The following MCF2L variants were observed in gnomAD, a reference collection of about 807,000 sequenced individuals.
MCF2L encodes guanine nucleotide exchange factor DBS.
MCF2L carries 97 observed loss-of-function variants against 153.4 expected under a neutral mutation model. The observed-to-expected ratio is 0.63, with a 90% CI of 0.54 to 0.75. The LOEUF is 0.75. MCF2L is among the 30% of genes least tolerant of loss of function. The pLI, the probability that MCF2L is intolerant of heterozygous loss-of-function variation, is 0.00. For missense variants in MCF2L, 1,347 were observed against 1,495.2 expected, an observed-to-expected ratio of 0.90 and a Z score of 1.64; for synonymous variants, 659 against 632.2, an observed-to-expected ratio of 1.04 and a Z score of -0.64.
At chr13:112,954,919 G>C (rs1441215168) in intron 2 of MCF2L, among the ~76,000 whole-genome samples, 1 of 152,224 alleles carries the variant, frequency 6.6e-6, no homozygotes, top group Non-Finnish European at 1.5e-5. Context: ...ATGCTGTTTA[G>C]GGCGAGTTGG....
chr13:112,969,586 TG>T lies in MCF2L; in HGVS notation c.79+134del. 1 of 1,468,522 alleles carries T rather than the reference TG, an allele frequency of 6.8e-7. No individual in the cohort carries two copies. The highest frequency in any genetic ancestry group is 2.1e-5 in the Admixed American group (1 of 48,410). 91.0% of individuals were successfully genotyped at this position (1,468,522 alleles called of 1,614,324 possible). A position where few individuals can be genotyped will look rare whatever the true frequency, so the allele number is the denominator to read the frequency against. ...CTTTCTAGCCGTGGTAGCTGTGACA[TG>T]GGGGGCACTGGTTGGCAGCTGGTGT... On this transcript the variant is annotated intron_variant, in intron 1 of 29. Coordinates refer to ENST00000535094, the MANE Select transcript of MCF2L (RefSeq NM_001112732.3). The surrounding 1 kb of genome is among the most constrained non-coding windows in gnomAD (Gnocchi z 4.8).
In MCF2L at chr13:112,983,569, C is replaced by CCGTG; in HGVS notation, c.79+14111_79+14112insCGTG. 6.6e-6 allele frequency among the ~76,000 whole-genome samples: 1 copy of CCGTG among 152,362 alleles called. No individual in the cohort carries two copies. Among genetic ancestry groups the CCGTG allele is most frequent in the Admixed American group, 6.5e-5 (1 of 15,308 alleles). Reference sequence around the variant, plus strand: ...CCCGTGGTGCTGGGCACGGCAGAGCCGTAGGCGGAGACAGGGAGCCGGGAG... The same window carrying CCGTG: ...CCCGTGGTGCTGGGCACGGCAGAGCCCGTGGTAGGCGGAGACAGGGAGCCGGGAG... On this transcript the variant is annotated intron_variant, in intron 1 of 29. Coordinates refer to ENST00000535094, the MANE Select transcript of MCF2L (RefSeq NM_001112732.3). This position sits in a 1 kb window ranked among gnomAD's most constrained non-coding sequence, Gnocchi z 4.0.
At chr13:112,915,410 C>CAAAAAAAAAAAAAAAAAA (rs779274453) in intron 2 of MCF2L, among the ~76,000 whole-genome samples, 13 of 86,920 alleles carry the variant, frequency 1.5e-4, no homozygotes, top group African/African-American at 3.2e-4. Context: ...CTCTGTCTCA[C>CAAAAAAAAAAAAAAAAAA]AAAAAAAAAA....
At chr13:113,014,182 G>C (rs573480497) in intron 1 of MCF2L, among the ~76,000 whole-genome samples, 2 of 152,218 alleles carry the variant, frequency 1.3e-5, no homozygotes, top group South Asian at 2.1e-4. Context: ...CCTGCTGGGT[G>C]GGGGGATGGG....
intron 3 of MCF2L, chr13:113,044,067 G>C (rs2086658366): frequency 6.3e-6 from 1 of 157,778 alleles, no homozygotes; most frequent in Non-Finnish European, 1.4e-5. Flanking sequence ...AATTCTGTCT[G>C]TGGCCCCCAC....
rs374638058 is a variant in MCF2L, at chr13:113,064,937, C to G, written c.608C>G (p.Ala203Gly). 18 of 1,611,870 alleles carry G rather than the reference C, an allele frequency of 1.1e-5. No homozygotes were observed. Among genetic ancestry groups the G allele is most frequent in the Non-Finnish European group, 1.5e-5 (18 of 1,179,312 alleles). Residue 203 changes from alanine (A) to glycine (G), a missense_variant and splice_region_variant, in exon 7 of 30, where the codon GCC becomes GGC. Around this residue, in one of 3 missense-constraint regions of MCF2L, gnomAD observed 820 missense variants for 921.2 expected, o/e 0.89. Coordinates refer to ENST00000535094, the MANE Select transcript of MCF2L (RefSeq NM_001112732.3). This position sits in a 1 kb window ranked among gnomAD's most constrained non-coding sequence, Gnocchi z 6.0. ...CHSRWLCQRT[A>G]IESFALMVKQ... ...AATTGTGTTTTCTCTGTCCCCAAGG[C>G]CATCGAAAGTTTCGCCCTCATGGTG...
At chr13:112,911,540 G>A (rs2081232729) in intron 2 of MCF2L, among the ~76,000 whole-genome samples, 1 of 152,224 alleles carries the variant, frequency 6.6e-6, no homozygotes, top group Non-Finnish European at 1.5e-5. Context: ...ATGCTCCTCT[G>A]AAACCCTCCC....
chr13:112,944,511 C>G (rs1341344082), intron 2 of MCF2L, among the ~76,000 whole-genome samples: 1 of 151,754 alleles, frequency 6.6e-6, no homozygotes, highest in African/African-American at 2.4e-5. Context: ...CTATGCACCA[C>G]CAGTGCTAAG....
At chr13:113,073,029 C>CT (rs56397038) in intron 9 of MCF2L, among the ~76,000 whole-genome samples, 195 of 137,852 alleles carry the variant, frequency 1.4e-3, no homozygotes, top group African/African-American at 2.7e-3. Flanking sequence ...TTTACTCCAG[C>CT]TTTTTTTTTT....
chr13:112,985,796 C>T (rs1431603109), intron 1 of MCF2L, among the ~76,000 whole-genome samples: 3 of 152,226 alleles, frequency 2.0e-5, no homozygotes, highest in Admixed American at 6.5e-5. Flanking sequence ...GGCTGCCCCG[C>T]GTCTTGAGAG....
chr13:113,062,297 G>C (rs892877957), intron 5 of MCF2L, among the ~76,000 whole-genome samples: 1 of 152,022 alleles, frequency 6.6e-6, no homozygotes, highest in Non-Finnish European at 1.5e-5. Context: ...AGCTCCTCTC[G>C]TGATGGCGTG....
intron 3 of MCF2L, chr13:113,026,747 G>A: frequency 5.0e-6 from 3 of 598,800 alleles, no homozygotes; most frequent in Non-Finnish European, 5.9e-6. Context: ...TGACCCCAGA[G>A]GTACCAGAAA....
intron 3 of MCF2L, among the ~76,000 whole-genome samples, chr13:113,033,641 C>A (rs988269883): frequency 1.4e-4 from 22 of 152,158 alleles, no homozygotes; most frequent in Non-Finnish European, 1.9e-4. Context: ...TTTCCCCCCC[C>A]CACCCCAACG....
intron 1 of MCF2L, among the ~76,000 whole-genome samples, chr13:113,003,942 C>T (rs953585166): frequency 4.6e-5 from 7 of 152,274 alleles, no homozygotes; most frequent in African/African-American, 1.4e-4. Flanking sequence ...TTGGGGGAGG[C>T]GCAGAAGGAC....
intron 2 of MCF2L, among the ~76,000 whole-genome samples, chr13:112,937,132 C>A (rs1373680821): frequency 6.6e-6 from 1 of 152,180 alleles, no homozygotes; most frequent in African/African-American, 2.4e-5. Flanking sequence ...TGGCTCACTG[C>A]AACCTCTGCC....
Position 113,087,469 on chromosome 13 carries a change from G to A in MCF2L, c.2595+13G>A, listed in dbSNP as rs757518418. 21 of 1,583,694 alleles carry A rather than the reference G, an allele frequency of 1.3e-5. No homozygotes were observed. The highest frequency in any genetic ancestry group is 1.7e-4 in the Middle Eastern group (1 of 6,022). ...GCAGTCCTTAAACGTAAGTGAGGCC[G>A]GGTCTGCAGCAGCACGCTCCTGGCC... On this transcript the variant is annotated intron_variant, in intron 22 of 29. Transcript: ENST00000535094.
At chr13:113,095,037 C>G in intron 27 of MCF2L, 1 of 1,372,886 alleles carries the variant, frequency 7.3e-7, no homozygotes, top group Non-Finnish European at 9.7e-7. Flanking sequence ...GTCCCCACCC[C>G]CCTACCCTTT....
At chr13:113,041,302 C>T (rs947536851) in intron 3 of MCF2L, among the ~76,000 whole-genome samples, 1 of 152,220 alleles carries the variant, frequency 6.6e-6, no homozygotes, top group African/African-American at 2.4e-5. Context: ...TAGATCCGAG[C>T]TCCGTGAGCC....
At chr13:112,917,439 T>C (rs769731660) in intron 2 of MCF2L, 68 of 332,764 alleles carry the variant, frequency 2.0e-4, no homozygotes, top group Admixed American at 1.4e-3. Context: ...GCTACCGCCC[T>C]GTCTCCCACT....
Sources: gnomAD v4.1 joint callset for allele counts (sites outside exome capture counted in the v4.1 genomes callset) on GRCh38, gnomAD v4.1.1 for gene constraint, gnomAD v4.1.1 regional missense constraint, Gnocchi (gnomAD v3.1) non-coding constraint, MANE v1.5 for transcripts, NCBI Gene and HGNC (gene_info 2026-07-23, HGNC 2026-07-21) for gene names.